NAA15: variants seen among roughly 807,000 people sequenced by gnomAD.
NAA15 encodes the protein N-terminal acetyltransferase.
NAA15 carries 34 observed loss-of-function variants against 114.0 expected under a neutral mutation model. The observed-to-expected ratio is 0.30, with a 90% CI of 0.23 to 0.40. The LOEUF (loss-of-function observed/expected upper bound fraction) is 0.40. NAA15 is among the 10% of genes least tolerant of loss of function. The pLI is 1.00. For missense variants in NAA15, 658 were observed against 1,004.5 expected, an observed-to-expected ratio of 0.66 and a Z score of 4.66; for synonymous variants, 340 against 338.0, an observed-to-expected ratio of 1.01 and a Z score of -0.06.
chr4:139,312,881 T>G (rs1236174012), intron 1 of NAA15, among the ~76,000 whole-genome samples: 1 of 151,770 alleles, frequency 6.6e-6, no homozygotes, highest in Non-Finnish European at 1.5e-5. Context: ...AATTGCAGTG[T>G]AAGAATTAAA....
At chr4:139,340,889 G>A (rs1257615972) in intron 3 of NAA15, 23 bp from the exon 4 acceptor site, 2 of 1,521,540 alleles carry the variant, frequency 1.3e-6, no homozygotes, top group East Asian at 2.4e-5. Context: ...CTTGTAGGTT[G>A]TACCCTTAAC....
intron 1 of NAA15, among the ~76,000 whole-genome samples, chr4:139,323,754 C>T (rs534003503): frequency 3.3e-5 from 5 of 152,298 alleles, no homozygotes; most frequent in Admixed American, 1.3e-4. Context: ...TTTTGTCCAA[C>T]AGCTGAAAAC....
intron 1 of NAA15, among the ~76,000 whole-genome samples, chr4:139,316,295 G>A (rs1316469237): frequency 6.6e-6 from 1 of 151,760 alleles, no homozygotes; most frequent in Non-Finnish European, 1.5e-5. Flanking sequence ...CACCTGTTCT[G>A]TCTCTTCTAT....
At position 139,370,212 on chromosome 4, in the gene NAA15, A is replaced by G; in HGVS notation, c.1755A>G (p.Ala585=). The change falls in exon 15 of 20, where the codon GCA becomes GCG. Residue 585 remains alanine, a splice_region_variant and synonymous_variant. Transcript: ENST00000296543. The part of the protein sequence containing the change: ...DENKEHEADT[A]NMSDKELKKL... ...TATTAATTAACTTATTGCCTGCAGC[A>G]AACATGTCTGACAAAGAGCTAAAGA... 1 of 1,532,088 alleles carries G rather than the reference A, an allele frequency of 6.5e-7. No individual in the cohort carries two copies. The highest frequency in any genetic ancestry group is 8.7e-7 in the Non-Finnish European group (1 of 1,146,114). 94.9% of individuals were successfully genotyped at this position (1,532,088 alleles called of 1,614,324 possible).
Position 139,351,499 on chromosome 4 carries a change from T to C in NAA15, c.908-6T>C. 2.6e-6 allele frequency: 4 copies of C among 1,534,668 alleles called. No homozygotes were observed. The highest frequency in any genetic ancestry group is 3.6e-6 in the Non-Finnish European group (4 of 1,110,964). On this transcript the variant is annotated splice_region_variant and splice_polypyrimidine_tract_variant and intron_variant, in intron 8 of 19. Transcript: ENST00000296543. Reference sequence around the variant, plus strand: ...ATATAAGCGAAAAGGATTTTTCTCTTCCAAGGTGAGAAGTTTAAAGAATGT... The same window carrying C: ...ATATAAGCGAAAAGGATTTTTCTCTCCCAAGGTGAGAAGTTTAAAGAATGT...
chr4:139,359,347 C>T (rs573811997), intron 11 of NAA15, among the ~76,000 whole-genome samples: 2 of 152,026 alleles, frequency 1.3e-5, no homozygotes, highest in East Asian at 4.0e-4. Context: ...AAGTTTGACT[C>T]GAATTCCTGA....
chr4:139,374,203 A>G (rs1387078660), intron 15 of NAA15, among the ~76,000 whole-genome samples: 2 of 152,208 alleles, frequency 1.3e-5, no homozygotes, highest in Non-Finnish European at 2.9e-5. Flanking sequence ...TAAATTTAAA[A>G]ATTGCATATG....
At position 139,303,920 on chromosome 4, in the gene NAA15, TTTTG is replaced by T. The variant is rs372264241; in HGVS notation, c.54+2102_54+2105del. 6.2e-3 allele frequency among the ~76,000 whole-genome samples: 938 copies of T among 152,348 alleles called. 13 individuals are homozygous for T. The highest frequency in any genetic ancestry group is 0.021 in the African/African-American group (879 of 41,576). On this transcript the variant is annotated intron_variant, in intron 1 of 19. Coordinates refer to ENST00000296543, the MANE Select transcript of NAA15 (RefSeq NM_057175.5). ...GATTTTCTCAAGTGTTAGCACTTTT[TTTTG>T]TTTGTTTGTTTGAGACGGAGTCTCG... is the stretch of plus-strand genomic sequence containing the variant.
chr4:139,379,647 G>A (rs1004157550), intron 17 of NAA15, among the ~76,000 whole-genome samples: 2 of 152,134 alleles, frequency 1.3e-5, no homozygotes, highest in African/African-American at 4.8e-5. Context: ...ATAGAATTTG[G>A]AAATACTATT....
chr4:139,330,516 G>A lies in NAA15; in HGVS notation c.55-3658G>A, dbSNP rs116695286. 8.5e-3 allele frequency among the ~76,000 whole-genome samples: 1,298 copies of A among 152,270 alleles called. 20 individuals are homozygous for A. Among genetic ancestry groups the A allele is most frequent in the African/African-American group, 0.03 (1,241 of 41,554 alleles). On this transcript the variant is annotated intron_variant, in intron 1 of 19. Transcript: ENST00000296543. ...GTTAGGAAGCTATTGCCAAGAAACC[G>A]GGTCTGATAGGACCTACCAGAGGAC...
chr4:139,361,066 A>G (rs1479952353), intron 13 of NAA15, among the ~76,000 whole-genome samples: 2 of 152,122 alleles, frequency 1.3e-5, no homozygotes, highest in Non-Finnish European at 2.9e-5. Context: ...TGTTTGATAA[A>G]ATTGTTTTCT....
intron 2 of NAA15, among the ~76,000 whole-genome samples, chr4:139,335,894 G>A (rs1313819149): frequency 6.6e-6 from 1 of 151,782 alleles, no homozygotes; most frequent in Admixed American, 6.6e-5. Flanking sequence ...CAACTAGCTG[G>A]CATTACAGGT....
At chr4:139,307,500 C>T (rs1163556793) in intron 1 of NAA15, among the ~76,000 whole-genome samples, 1 of 152,230 alleles carries the variant, frequency 6.6e-6, no homozygotes, top group Non-Finnish European at 1.5e-5. Flanking sequence ...CTCCTGGGAT[C>T]AAGCAGTCCT....
intron 1 of NAA15, among the ~76,000 whole-genome samples, chr4:139,330,819 A>G (rs867538508): frequency 1.3e-5 from 2 of 152,222 alleles, no homozygotes; most frequent in African/African-American, 4.8e-5. Flanking sequence ...TCAAAGCAAC[A>G]ACAAAGTGGA....
chr4:139,314,515 T>A (rs1366749554), intron 1 of NAA15, among the ~76,000 whole-genome samples: 1 of 151,932 alleles, frequency 6.6e-6, no homozygotes, highest in African/African-American at 2.4e-5. Context: ...AGATCATATA[T>A]CCTGTGTTTG....
chr4:139,376,757 A>ATT (rs1281821748), intron 16 of NAA15, among the ~76,000 whole-genome samples: 23 of 152,254 alleles, frequency 1.5e-4, no homozygotes, highest in Non-Finnish European at 3.2e-4. Context: ...TGTGGATAAA[A>ATT]TTAGTTAATA....
At chr4:139,367,446 G>A (rs1748313454) in intron 14 of NAA15, among the ~76,000 whole-genome samples, 1 of 152,066 alleles carries the variant, frequency 6.6e-6, no homozygotes, top group Admixed American at 6.5e-5. Flanking sequence ...ATTTTGTGCT[G>A]TCATTCTTTT....
intron 1 of NAA15, among the ~76,000 whole-genome samples, chr4:139,302,968 T>C (rs1369596908): frequency 6.6e-6 from 1 of 152,236 alleles, no homozygotes; most frequent in East Asian, 1.9e-4. Context: ...TTGGGATGTG[T>C]GTGTGAAAGT....
At chr4:139,372,810 TA>T (rs1748479972) in intron 15 of NAA15, among the ~76,000 whole-genome samples, 1 of 151,874 alleles carries the variant, frequency 6.6e-6, no homozygotes, top group Admixed American at 6.6e-5. Flanking sequence ...TAGTTCAGGA[TA>T]ATATTCAGTC....
Sources: allele counts gnomAD v4.1 joint callset (sites outside exome capture counted in the v4.1 genomes callset), GRCh38; gene constraint gnomAD v4.1.1; transcripts MANE v1.5; gene names NCBI Gene and HGNC (gene_info 2026-07-23, HGNC 2026-07-21).